Variants in GRIK2 observed in about 807,000 individuals in gnomAD.
The protein encoded by GRIK2 is glutamate ionotropic receptor kainate type subunit 2, also known as glutamate receptor ionotropic, kainate 2.
Under a neutral mutation model 100.3 loss-of-function variants are expected in GRIK2, and 32 were observed. The ratio of observed to expected loss-of-function variants is 0.32; its 90% CI spans 0.24 to 0.43. The LOEUF is 0.43. Among genes scored for constraint, GRIK2 ranks in the 20% least tolerant of loss-of-function variants. The pLI is 1.00. For synonymous variants in GRIK2, 417 were observed against 389.4 expected (o/e 1.07, Z -0.83); for missense variants, 843 against 1,114.9 (o/e 0.76, Z 3.47).
At chr6:101,796,856 A>G (rs1263716486) in intron 7 of GRIK2, among the ~76,000 whole-genome samples, 3 of 152,082 alleles carry the variant, frequency 2.0e-5, no homozygotes, top group East Asian at 1.9e-4. Flanking sequence ...TATTTATCTT[A>G]TAGTTTAATA....
At chr6:101,725,463 C>A (rs2128367802) in intron 7 of GRIK2, among the ~76,000 whole-genome samples, 1 of 152,112 alleles carries the variant, frequency 6.6e-6, no homozygotes, top group East Asian at 1.9e-4. Flanking sequence ...GGAAATTTCT[C>A]AGGAAACGAT....
intron 4 of GRIK2, among the ~76,000 whole-genome samples, chr6:101,656,564 T>C (rs751768663): frequency 6.6e-6 from 1 of 152,200 alleles, no homozygotes; most frequent in Non-Finnish European, 1.5e-5. Context: ...ATTGTCATTG[T>C]TAAGGGCAAC....
chr6:101,584,065 CTT>C (rs1347855703), intron 2 of GRIK2, among the ~76,000 whole-genome samples: 1 of 151,860 alleles, frequency 6.6e-6, no homozygotes, highest in Non-Finnish European at 1.5e-5. Context: ...GTAAATGGAT[CTT>C]GTTTTGTGTG....
intron 2 of GRIK2, among the ~76,000 whole-genome samples, chr6:101,445,311 G>A (rs1770315871): frequency 1.3e-5 from 2 of 152,006 alleles, no homozygotes; most frequent in African/African-American, 4.8e-5. Flanking sequence ...GCCAATCTGA[G>A]CTTCCTATCA....
intron 2 of GRIK2, among the ~76,000 whole-genome samples, chr6:101,551,631 G>C (rs1214286083): frequency 1.3e-5 from 2 of 152,082 alleles, no homozygotes; most frequent in Non-Finnish European, 2.9e-5. Flanking sequence ...CACTGTTCTG[G>C]ACTCTTGGAA....
chr6:101,863,305 T>G (rs1373226043), intron 11 of GRIK2, among the ~76,000 whole-genome samples: 2 of 152,208 alleles, frequency 1.3e-5, no homozygotes, highest in Non-Finnish European at 2.9e-5. Flanking sequence ...GTACTCATGT[T>G]GGCCTTTAAT....
chr6:101,784,640 G>C (rs1381755291), intron 7 of GRIK2, among the ~76,000 whole-genome samples: 1 of 152,156 alleles, frequency 6.6e-6, no homozygotes, highest in African/African-American at 2.4e-5. Context: ...GAGACCTGGT[G>C]GGAGGTGATT....
intron 14 of GRIK2, among the ~76,000 whole-genome samples, chr6:101,999,886 G>T (rs952832775): frequency 2.9e-4 from 44 of 152,026 alleles, no homozygotes; most frequent in African/African-American, 1.0e-3. Context: ...TTAAAATCAG[G>T]AACAATAGCT....
intron 7 of GRIK2, among the ~76,000 whole-genome samples, chr6:101,741,345 C>G (rs988747963): frequency 1.1e-4 from 16 of 152,172 alleles, no homozygotes; most frequent in African/African-American, 2.7e-4. Context: ...CACTTGTCTG[C>G]AGAATTCATC....
At chr6:101,842,608 CTTTTT>C (rs528289043) in intron 10 of GRIK2, among the ~76,000 whole-genome samples, 3 of 151,918 alleles carry the variant, frequency 2.0e-5, no homozygotes, top group South Asian at 2.1e-4. Flanking sequence ...ATTCAAAAAA[CTTTTT>C]TTTATTTTAT....
intron 2 of GRIK2, among the ~76,000 whole-genome samples, chr6:101,427,677 G>A (rs1254738651): frequency 6.6e-6 from 1 of 152,224 alleles, no homozygotes; most frequent in Non-Finnish European, 1.5e-5. Context: ...ACTTTGTATC[G>A]GTAAATTTTG....
chr6:101,998,812 CTTTTTT>C (rs755522043), intron 14 of GRIK2, among the ~76,000 whole-genome samples: 4 of 110,062 alleles, frequency 3.6e-5, no homozygotes, highest in Non-Finnish European at 7.2e-5. Context: ...TTTTTCTTTT[CTTTTTT>C]TTTTTTTTTT....
At chr6:102,019,176 GAGTC>G (rs1769293856) in intron 14 of GRIK2, among the ~76,000 whole-genome samples, 1 of 151,976 alleles carries the variant, frequency 6.6e-6, no homozygotes, top group African/African-American at 2.4e-5. Context: ...TTTAAGGCTA[GAGTC>G]AGTCAAACTG....
At chr6:101,821,274 CAA>C (rs1352869927) in intron 10 of GRIK2, among the ~76,000 whole-genome samples, 1 of 152,110 alleles carries the variant, frequency 6.6e-6, no homozygotes, top group Non-Finnish European at 1.5e-5. Flanking sequence ...CAATCATAAT[CAA>C]GTTTATATCT....
intron 5 of GRIK2, among the ~76,000 whole-genome samples, chr6:101,677,153 A>G (rs184653313): frequency 1.1e-4 from 16 of 152,152 alleles, no homozygotes; most frequent in African/African-American, 3.6e-4. Context: ...CATTACAATC[A>G]GCCAGTAGGA....
At chr6:101,563,883 A>G (rs1777135906) in intron 2 of GRIK2, among the ~76,000 whole-genome samples, 1 of 151,814 alleles carries the variant, frequency 6.6e-6, no homozygotes, top group African/African-American at 2.4e-5. Context: ...TTATGGGAAA[A>G]ACAAAAAAAA....
intron 11 of GRIK2, among the ~76,000 whole-genome samples, chr6:101,874,847 C>G (rs963482704): frequency 4.6e-5 from 7 of 151,986 alleles, no homozygotes; most frequent in African/African-American, 1.7e-4. Context: ...GTATTTTATT[C>G]TCTTAGAAGC....
chr6:101,596,324 A>T (rs1041879024), intron 2 of GRIK2, among the ~76,000 whole-genome samples: 1 of 150,762 alleles, frequency 6.6e-6, no homozygotes, highest in African/African-American at 2.4e-5. Flanking sequence ...GCTAACAACC[A>T]TCACCTAGAA....
At chr6:101,744,574 C>CT (rs1776306916) in intron 7 of GRIK2, 3 of 67,996 alleles carry the variant, frequency 4.4e-5, no homozygotes, top group East Asian at 4.7e-4. Flanking sequence ...ATTTCTTTTT[C>CT]TTTTTCTTTT....
Sources: gnomAD v4.1 joint callset for allele counts (sites outside exome capture counted in the v4.1 genomes callset) on GRCh38, gnomAD v4.1.1 for gene constraint, MANE v1.5 for transcripts, NCBI Gene and HGNC (gene_info 2026-07-23, HGNC 2026-07-21) for gene names.